DCUN1D2: variants seen among roughly 807,000 people sequenced by gnomAD.
DCUN1D2 encodes the protein defective in cullin neddylation 1 domain containing 2.
Under a neutral mutation model 30.9 loss-of-function variants are expected in DCUN1D2, and 29 were observed. The ratio of observed to expected loss-of-function variants is 0.94; its 90% CI spans 0.70 to 1.28. DCUN1D2 has a LOEUF of 1.28. DCUN1D2 is among the 50% of genes most tolerant of loss of function. DCUN1D2 has a pLI of 0.00. For synonymous variants in DCUN1D2, 121 were observed against 115.3 expected (o/e 1.05, Z -0.32); for missense variants, 325 against 316.9 (o/e 1.03, Z -0.19).
At chr13:113,480,329 A>T in intron 3 of DCUN1D2, 1 of 338,070 alleles carries the variant, frequency 3.0e-6, no homozygotes, top group Non-Finnish European at 5.3e-6. Flanking sequence ...ACTCAAAAAG[A>T]AGAAAATGAG....
rs1011635216 is a variant in DCUN1D2, at chr13:113,456,590, C to G, written c.*1439G>C. ...CACGCCTGTGACATGAGAGTCTCGG[C>G]ACGTGAGGTAGGGTCAACAGTGATG... On this transcript the variant is annotated 3_prime_UTR_variant, in exon 7 of 7. Transcript: ENST00000478244. The G allele has an allele frequency of 1.0e-5, 4 of 386,678 alleles. No individual in the cohort carries two copies. Among genetic ancestry groups the G allele is most frequent in the Admixed American group, 4.5e-5 (1 of 22,294 alleles). 24.0% of individuals were successfully genotyped at this position (386,678 alleles called of 1,614,324 possible).
At chr13:113,458,467 G>A (rs1042759663) in intron 6 of DCUN1D2, among the ~76,000 whole-genome samples, 12 of 152,180 alleles carry the variant, frequency 7.9e-5, no homozygotes, top group Admixed American at 5.9e-4. Flanking sequence ...TGCCAGCAGG[G>A]GGTGCTCCCT....
At chr13:113,479,017 A>G in intron 3 of DCUN1D2, 1 of 152,204 alleles carries the variant, frequency 6.6e-6, no homozygotes, top group East Asian at 1.9e-4. Context: ...AATGCAATGG[A>G]TAAGCCCAGC....
chr13:113,473,351 G>T (rs1255677484), intron 4 of DCUN1D2, among the ~76,000 whole-genome samples: 3 of 152,288 alleles, frequency 2.0e-5, no homozygotes, highest in African/African-American at 7.2e-5. Flanking sequence ...AATCCCTGCT[G>T]CAGGGTTAGG....
intron 4 of DCUN1D2, chr13:113,463,020 T>C (rs2044343790): frequency 4.1e-6 from 1 of 246,900 alleles, no homozygotes; most frequent in Non-Finnish European, 7.0e-6. Flanking sequence ...TTATCAAAAG[T>C]AAATATATGC....
In DCUN1D2 at chr13:113,457,294, A is replaced by T. The variant is rs1394902676; in HGVS notation, c.*735T>A. On this transcript the variant is annotated 3_prime_UTR_variant, in exon 7 of 7. Transcript: ENST00000478244. ...AAAAACATACTTTATGAAGCTTCTC[A>T]GGCAGGTCAAATAATATTTAAGTAA... 1 of 152,256 alleles carries T rather than the reference A, an allele frequency of 6.6e-6. No individual in the cohort carries two copies. Among genetic ancestry groups the T allele is most frequent in the African/African-American group, 2.4e-5 (1 of 41,460 alleles). The allele number at this position is 152,256 out of a possible 1,614,324, so 9.4% of individuals were successfully genotyped here. A position where few individuals can be genotyped will look rare whatever the true frequency, so the allele number is the denominator to read the frequency against.
At chr13:113,474,927 T>A (rs552496569) in intron 3 of DCUN1D2, among the ~76,000 whole-genome samples, 18 of 152,364 alleles carry the variant, frequency 1.2e-4, no homozygotes, top group Admixed American at 1.0e-3. Context: ...CACAGCTCTA[T>A]GTTGTTTTAG....
intron 6 of DCUN1D2, 30 bp from the exon 7 acceptor site, chr13:113,458,138 G>A (rs752006553): frequency 4.6e-5 from 73 of 1,583,202 alleles, no homozygotes; most frequent in Non-Finnish European, 4.9e-5. Context: ...CAGAAAACCC[G>A]TTAGAGCACC....
chr13:113,474,428 G>C (rs922865652), intron 3 of DCUN1D2, among the ~76,000 whole-genome samples, 174 bp from the exon 4 acceptor site: 2 of 152,168 alleles, frequency 1.3e-5, no homozygotes, highest in African/African-American at 2.4e-5. Flanking sequence ...AGAGAAGATG[G>C]GGGGGCAACA....
intron 4 of DCUN1D2, among the ~76,000 whole-genome samples, chr13:113,470,851 G>A (rs1391941387): frequency 6.0e-5 from 8 of 134,418 alleles, no homozygotes; most frequent in East Asian, 2.3e-4. Context: ...AACTCCACAG[G>A]GGACCCAAAT....
chr13:113,472,626 A>G (rs1161502230), intron 4 of DCUN1D2, among the ~76,000 whole-genome samples: 1 of 152,178 alleles, frequency 6.6e-6, no homozygotes, highest in African/African-American at 2.4e-5. Context: ...CACCTCTGGC[A>G]CCCAACACCA....
intron 1 of DCUN1D2, among the ~76,000 whole-genome samples, chr13:113,487,742 G>A (rs1414836491): frequency 2.6e-5 from 4 of 152,156 alleles, no homozygotes; most frequent in South Asian, 2.1e-4. Flanking sequence ...GTTATCGTTC[G>A]GGGTGACAAA....
Position 113,457,300 on chromosome 13 carries a change from G to A in DCUN1D2, c.*729C>T, listed in dbSNP as rs2044241758. On this transcript the variant is annotated 3_prime_UTR_variant, in exon 7 of 7. Coordinates refer to ENST00000478244, the MANE Select transcript of DCUN1D2 (RefSeq NM_001014283.2). ...ATACTTTATGAAGCTTCTCAGGCAG[G>A]TCAAATAATATTTAAGTAAGAGAGG... The A allele has an allele frequency of 1.3e-5, 2 of 152,118 alleles. No individual in the cohort carries two copies. The highest frequency in any genetic ancestry group is 1.9e-4 in the East Asian group (1 of 5,204). 9.4% of individuals were successfully genotyped at this position (152,118 alleles called of 1,614,324 possible).
chr13:113,475,211 C>T (rs1297990535), intron 3 of DCUN1D2, among the ~76,000 whole-genome samples: 6 of 152,148 alleles, frequency 3.9e-5, no homozygotes, highest in East Asian at 3.8e-4. Context: ...CAGCAGAAGG[C>T]GTATGTCACA....
chr13:113,474,162 G>T lies in DCUN1D2; in HGVS notation c.482C>A (p.Thr161Asn), dbSNP rs774973893. 2 of 1,613,974 alleles carry T rather than the reference G, an allele frequency of 1.2e-6. No homozygotes were observed. The highest frequency in any genetic ancestry group is 1.7e-6 in the Non-Finnish European group (2 of 1,179,984). The change falls in exon 4 of 7, where the codon ACC becomes AAC. Residue 161 changes from threonine to asparagine, a missense_variant. By Grantham distance (65) the Thr-to-Asn change is moderately conservative. Coordinates refer to ENST00000478244, the MANE Select transcript of DCUN1D2 (RefSeq NM_001014283.2). ...TAKFKDFYQF[T>N]FTFAKNPGQK... is the part of the protein sequence containing the mutation. ...CCCTGGGTTCTTAGCGAAGGTGAAG[G>T]TAAACTGATAAAAATCTTTAAACTT...
upstream of DCUN1D2, among the ~76,000 whole-genome samples, chr13:113,491,475 C>G (rs1475713719): frequency 6.7e-6 from 1 of 149,374 alleles, no homozygotes; most frequent in Non-Finnish European, 1.5e-5. Context: ...CTTCCCTTCC[C>G]AGGGGTCCCC....
Position 113,461,855 on chromosome 13 carries a change from T to TAA in DCUN1D2, c.521-720_521-719insTT, listed in dbSNP as rs1237669292. Reference sequence around the variant, plus strand: ...TTTCAGGGCTGTCTCCAATCCATAGTTTGTGAAACACTGATTTATTCTCTG... The same window carrying TAA: ...TTTCAGGGCTGTCTCCAATCCATAGTAATTGTGAAACACTGATTTATTCTCTG... On this transcript the variant is annotated intron_variant, in intron 4 of 6. Transcript: ENST00000478244. Among the ~76,000 whole-genome samples, 663 of 152,358 alleles carry TAA rather than the reference T, an allele frequency of 4.4e-3. 5 individuals carry two copies. Among genetic ancestry groups the TAA allele is most frequent in the African/African-American group, 0.015 (631 of 41,582 alleles).
intron 5 of DCUN1D2, among the ~76,000 whole-genome samples, chr13:113,459,959 C>T (rs1296052548): frequency 1.3e-5 from 2 of 152,174 alleles, no homozygotes; most frequent in Non-Finnish European, 2.9e-5. Flanking sequence ...CAGTATTCTG[C>T]CGTTACAATG....
At chr13:113,460,789 AACCCCAGC>A (rs2044306055) in intron 5 of DCUN1D2, among the ~76,000 whole-genome samples, 1 of 152,218 alleles carries the variant, frequency 6.6e-6, no homozygotes, top group Admixed American at 6.5e-5. Context: ...AGTCTCCAGG[AACCCCAGC>A]CTGAGAGGAG....
Sources: gnomAD v4.1 joint callset for allele counts (sites outside exome capture counted in the v4.1 genomes callset) on GRCh38, gnomAD v4.1.1 for gene constraint, MANE v1.5 for transcripts, NCBI Gene and HGNC (gene_info 2026-07-23, HGNC 2026-07-21) for gene names.